TENM1: variants seen among roughly 807,000 people sequenced by gnomAD.
The protein encoded by TENM1 is teneurin-1.
Under a neutral mutation model 174.8 loss-of-function variants are expected in TENM1, and 35 were observed. That is an observed-to-expected ratio of 0.20 (90% CI 0.15 to 0.27). TENM1 has a LOEUF of 0.27. TENM1 is among the 10% of genes least tolerant of loss of function. The pLI, the probability that TENM1 is intolerant of heterozygous loss-of-function variation, is 1.00. For synonymous variants in TENM1, 781 were observed against 798.7 expected, an observed-to-expected ratio of 0.98 and a Z score of 0.37; for missense variants, 1,633 against 2,130.1, an observed-to-expected ratio of 0.77 and a Z score of 4.59.
chrX:124,803,397 C>T (rs749571128), intron 3 of TENM1, among the ~76,000 whole-genome samples: 4 of 111,474 alleles, frequency 3.6e-5, no homozygotes, highest in Non-Finnish European at 5.7e-5. Flanking sequence ...CCTTTCTAAG[C>T]GCTCTTATCT....
At chrX:125,054,761 T>C in the TENM1 span, among the ~76,000 whole-genome samples, 1 of 111,631 alleles carries the variant, frequency 9.0e-6, no homozygotes, top group African/African-American at 3.3e-5. Context: ...ACAAGGAAGA[T>C]ACCAGAGAAT....
chrX:125,069,258 T>A, the TENM1 span, among the ~76,000 whole-genome samples: 13 of 111,851 alleles, frequency 1.2e-4, no homozygotes, highest in Admixed American at 1.2e-3. Context: ...CAGGCAGTAA[T>A]TTTCCTTTTC....
chrX:124,789,937 T>C (rs2055141392), intron 3 of TENM1, among the ~76,000 whole-genome samples: 1 of 112,020 alleles, frequency 8.9e-6, no homozygotes, highest in Admixed American at 9.5e-5. Flanking sequence ...TTCATGCTGC[T>C]GATAAAGTCA....
chrX:124,827,885 T>G (rs1220923566), intron 3 of TENM1, among the ~76,000 whole-genome samples: 2 of 111,896 alleles, frequency 1.8e-5, no homozygotes, highest in African/African-American at 6.5e-5. Context: ...ACTCAATATA[T>G]TTAACACAGG....
the TENM1 span, among the ~76,000 whole-genome samples, chrX:125,193,489 C>T: frequency 1.8e-5 from 2 of 111,460 alleles, no homozygotes; most frequent in African/African-American, 3.3e-5. Context: ...CCAAGTAGTT[C>T]GGACAATAGG....
the TENM1 span, among the ~76,000 whole-genome samples, chrX:125,142,412 T>C: frequency 9.0e-6 from 1 of 110,841 alleles, no homozygotes; most frequent in Admixed American, 9.6e-5. Flanking sequence ...TCCACAGAGG[T>C]TCTTGAAGGG....
chrX:124,916,185 C>T (rs1279805692), intron 1 of TENM1, among the ~76,000 whole-genome samples: 2 of 111,866 alleles, frequency 1.8e-5, no homozygotes, highest in East Asian at 5.6e-4. Context: ...AAGCTCCTAC[C>T]TTTGTATTGC....
At chrX:124,586,857 C>A (rs750909466) in intron 11 of TENM1, among the ~76,000 whole-genome samples, 4,630 of 106,239 alleles carry the variant, frequency 0.044, 206 homozygotes, top group African/African-American at 0.11. Context: ...ATACAAAATC[C>A]ATGTACAAAA....
chrX:124,518,183 A>G (rs1569535912), intron 18 of TENM1, among the ~76,000 whole-genome samples: 1 of 110,706 alleles, frequency 9.0e-6, no homozygotes, highest in Non-Finnish European at 1.9e-5. Flanking sequence ...GGGCTACTAG[A>G]CAGGGGCTGC....
chrX:124,806,244 G>T (rs1254054709), intron 3 of TENM1, among the ~76,000 whole-genome samples: 1 of 111,718 alleles, frequency 9.0e-6, no homozygotes, highest in African/African-American at 3.3e-5. Flanking sequence ...TGTGAACTTA[G>T]ATTATTTAAG....
At chrX:124,955,754 A>C (rs1032895779) in intron 1 of TENM1, among the ~76,000 whole-genome samples, 3 of 109,953 alleles carry the variant, frequency 2.7e-5, no homozygotes, top group African/African-American at 1.0e-4. Context: ...GCAATATTAC[A>C]TGTCTCCAAA....
chrX:124,942,156 T>C (rs1258798431), intron 1 of TENM1, among the ~76,000 whole-genome samples: 2 of 111,641 alleles, frequency 1.8e-5, no homozygotes, highest in South Asian at 3.8e-4. Flanking sequence ...CTCTCTTTCA[T>C]TGCTTACAAC....
chrX:124,451,006 C>G (rs1278653787), intron 23 of TENM1, among the ~76,000 whole-genome samples: 2 of 112,149 alleles, frequency 1.8e-5, no homozygotes, highest in Non-Finnish European at 3.8e-5. Flanking sequence ...TCAACATCCA[C>G]TTTAGTGTTT....
chrX:124,662,311 G>A (rs943630170), intron 6 of TENM1, among the ~76,000 whole-genome samples: 3 of 109,081 alleles, frequency 2.8e-5, no homozygotes, highest in Admixed American at 2.0e-4. Flanking sequence ...AAAATTAGCC[G>A]GGCGTGGTGG....
chrX:124,475,153 C>T (rs751181180), intron 22 of TENM1, among the ~76,000 whole-genome samples: 1 of 110,685 alleles, frequency 9.0e-6, no homozygotes, highest in South Asian at 3.9e-4. Context: ...TTAAGCAGAA[C>T]AGATCCACTT....
rs1473855008 is a variant in TENM1 at position 124,453,499 on chromosome X, G to C, written c.3950-8C>G. 3 of 1,203,306 alleles carry C rather than the reference G, an allele frequency of 2.5e-6. No homozygotes were observed. In the African/African-American group the frequency reaches 5.2e-5, roughly 21 times the overall value. The stretch of plus-strand genomic sequence containing the variant: ...GCCTATCAACTGTGATGCCTGTTGG[G>C]AAAGAGCAAATGAGCATTAGTAGTC... On this transcript the variant is annotated splice_polypyrimidine_tract_variant and splice_region_variant and intron_variant, in intron 22 of 31. Coordinates refer to ENST00000422452, the Ensembl canonical transcript of TENM1.
At chrX:124,792,686 C>G (rs1160334575) in intron 3 of TENM1, among the ~76,000 whole-genome samples, 1 of 111,834 alleles carries the variant, frequency 8.9e-6, no homozygotes, top group Non-Finnish European at 1.9e-5. Context: ...AAAAAAGTAT[C>G]CCTAGGATGA....
chrX:125,121,939 C>T, the TENM1 span, among the ~76,000 whole-genome samples: 112 of 111,334 alleles, frequency 1.0e-3, no homozygotes, highest in Non-Finnish European at 1.6e-3. Context: ...CCAGGTGTGG[C>T]GGCACATGCC....
chrX:124,886,655 A>G (rs190196251), intron 3 of TENM1, among the ~76,000 whole-genome samples: 1,311 of 103,427 alleles, frequency 0.013, 31 homozygotes, highest in African/African-American at 0.044. Context: ...ACACACACAC[A>G]CAACACACAC....
Sources: allele counts gnomAD v4.1 joint callset (sites outside exome capture counted in the v4.1 genomes callset), GRCh38; gene constraint gnomAD v4.1.1; transcripts MANE v1.5; gene names NCBI Gene and HGNC (gene_info 2026-07-23, HGNC 2026-07-21).